ERBB4: variants seen among roughly 807,000 people sequenced by gnomAD.
ERBB4 encodes receptor tyrosine-protein kinase erbB-4.
In ERBB4, 42 loss-of-function variants were observed where a neutral mutation model predicts 158.0. That is an observed-to-expected ratio of 0.27 (90% CI 0.21 to 0.34). The LOEUF is 0.34. ERBB4 is among the 10% of genes least tolerant of loss of function. The pLI is 1.00. For missense variants in ERBB4, 1,333 were observed against 1,624.1 expected (o/e 0.82, Z 3.08); for synonymous variants, 583 against 558.7 (o/e 1.04, Z -0.61).
intron 2 of ERBB4, among the ~76,000 whole-genome samples, chr2:212,075,031 T>C (rs2078233449): frequency 6.6e-6 from 1 of 151,956 alleles, no homozygotes; most frequent in Non-Finnish European, 1.5e-5. Context: ...AACCCAAGTA[T>C]TAGTTTAAAT....
chr2:211,544,806 A>G (rs573784839), intron 20 of ERBB4, among the ~76,000 whole-genome samples: 1 of 152,180 alleles, frequency 6.6e-6, no homozygotes, highest in East Asian at 1.9e-4. Flanking sequence ...TTTTATTACT[A>G]CAAGATTGAA....
chr2:211,799,906 C>G (rs2105886864), intron 3 of ERBB4, among the ~76,000 whole-genome samples: 1 of 152,104 alleles, frequency 6.6e-6, no homozygotes, highest in East Asian at 1.9e-4. Context: ...CAGGGCAAGA[C>G]TACTAGGCCA....
At chr2:212,088,601 T>A (rs182651768) in intron 2 of ERBB4, among the ~76,000 whole-genome samples, 58 of 152,226 alleles carry the variant, frequency 3.8e-4, no homozygotes, top group African/African-American at 1.3e-3. Flanking sequence ...AGTCTCAGGA[T>A]ATCATTACCC....
chr2:211,833,210 C>T (rs758572964), intron 3 of ERBB4, among the ~76,000 whole-genome samples: 1 of 152,054 alleles, frequency 6.6e-6, no homozygotes, highest in East Asian at 1.9e-4. Flanking sequence ...TATGGTTTTT[C>T]AAGTAAGGAG....
intron 1 of ERBB4, among the ~76,000 whole-genome samples, chr2:212,345,841 T>A (rs1381936483): frequency 6.6e-6 from 1 of 152,138 alleles, no homozygotes; most frequent in Non-Finnish European, 1.5e-5. Context: ...TCTATGAATT[T>A]GGGTTCAAGA....
At position 212,174,839 on chromosome 2, in the gene ERBB4, T is replaced by C. The variant is rs577238082; in HGVS notation, c.83-49936A>G. Among the ~76,000 whole-genome samples, 9 of 152,204 alleles carry C rather than the reference T, an allele frequency of 5.9e-5. No homozygotes were observed. In the East Asian group the frequency reaches 1.7e-3, roughly 29 times the overall value. On this transcript the variant is annotated intron_variant, in intron 1 of 27. Coordinates refer to ENST00000342788, the MANE Select transcript of ERBB4 (RefSeq NM_005235.3). ...TCTTAAAGAATTTAAATTGCTGCTG[T>C]TGACTAAGGATAAATTAAAAAATCA...
intron 17 of ERBB4, among the ~76,000 whole-genome samples, chr2:211,625,801 A>G (rs1005714493): frequency 1.3e-5 from 2 of 152,206 alleles, no homozygotes. Context: ...CACACAAAAT[A>G]CTGGGAGGGG....
At chr2:211,518,398 G>A (rs1295071427) in intron 20 of ERBB4, among the ~76,000 whole-genome samples, 3 of 152,110 alleles carry the variant, frequency 2.0e-5, no homozygotes. Context: ...AAGAGTTTGT[G>A]TAATCCCAGC....
At chr2:212,177,784 T>A (rs1575753351) in intron 1 of ERBB4, among the ~76,000 whole-genome samples, 1 of 151,938 alleles carries the variant, frequency 6.6e-6, no homozygotes, top group African/African-American at 2.4e-5. Context: ...TTAGTTACAC[T>A]AATGAAGTTT....
intron 1 of ERBB4, among the ~76,000 whole-genome samples, chr2:212,133,056 T>C (rs1238175721): frequency 6.6e-6 from 1 of 152,094 alleles, no homozygotes; most frequent in Non-Finnish European, 1.5e-5. Flanking sequence ...GTAAAGTCCT[T>C]TCTTCATGTT....
chr2:212,419,472 T>C (rs1249877280), intron 1 of ERBB4, among the ~76,000 whole-genome samples: 1 of 151,884 alleles, frequency 6.6e-6, no homozygotes, highest in Admixed American at 6.6e-5. Flanking sequence ...TGACTTTGAA[T>C]GATTCTTCAT....
intron 1 of ERBB4, among the ~76,000 whole-genome samples, chr2:212,280,291 T>A (rs981749008): frequency 1.2e-4 from 18 of 151,672 alleles, no homozygotes; most frequent in African/African-American, 4.3e-4. Flanking sequence ...ACCAACATAT[T>A]TTTAAGGCAA....
At chr2:212,055,033 G>A (rs1330078999) in intron 2 of ERBB4, among the ~76,000 whole-genome samples, 1 of 152,198 alleles carries the variant, frequency 6.6e-6, no homozygotes, top group African/African-American at 2.4e-5. Flanking sequence ...TAAAGGGTCA[G>A]GGAATTCCCT....
chr2:211,737,090 A>G (rs7423492), intron 5 of ERBB4, among the ~76,000 whole-genome samples: 1 of 152,322 alleles, frequency 6.6e-6, no homozygotes, highest in East Asian at 1.9e-4. Context: ...AAATATAAGT[A>G]ACTACAGATA....
At chr2:211,673,776 C>G (rs1456418995) in intron 13 of ERBB4, among the ~76,000 whole-genome samples, 1 of 152,050 alleles carries the variant, frequency 6.6e-6, no homozygotes, top group Admixed American at 6.6e-5. Context: ...GATTCCTCTT[C>G]TCCTTTTAAA....
chr2:212,133,461 G>T (rs367809223), intron 1 of ERBB4, among the ~76,000 whole-genome samples: 1 of 142,990 alleles, frequency 7.0e-6, no homozygotes. Flanking sequence ...TTATACATCT[G>T]CAAGTTTACC....
chr2:211,743,784 T>A (rs576941371), intron 5 of ERBB4, among the ~76,000 whole-genome samples: 1 of 152,194 alleles, frequency 6.6e-6, no homozygotes, highest in Non-Finnish European at 1.5e-5. Context: ...TGTGGAGCAA[T>A]GCAGCCACCA....
At chr2:211,523,688 G>A (rs151079290) in intron 20 of ERBB4, among the ~76,000 whole-genome samples, 13,178 of 152,004 alleles carry the variant, frequency 0.087, 744 homozygotes, top group African/African-American at 0.16. Flanking sequence ...GCAGACTTTC[G>A]CAGTGAGTGT....
At chr2:212,173,778 T>C (rs1281254317) in intron 1 of ERBB4, among the ~76,000 whole-genome samples, 1 of 152,018 alleles carries the variant, frequency 6.6e-6, no homozygotes, top group Non-Finnish European at 1.5e-5. Flanking sequence ...AGGGAGCAGA[T>C]AGAGAGAACA....
Sources: allele counts gnomAD v4.1 joint callset (sites outside exome capture counted in the v4.1 genomes callset), GRCh38; gene constraint gnomAD v4.1.1; transcripts MANE v1.5; gene names NCBI Gene and HGNC (gene_info 2026-07-23, HGNC 2026-07-21).